Variants in CSNK2A2IP observed in about 807,000 individuals in gnomAD.
CSNK2A2IP encodes the protein casein kinase 2 subunit alpha' interacting protein, also known as casein kinase II subunit alpha'-interacting protein.
At chr3:88,435,717 A>T in the CSNK2A2IP span, among the ~76,000 whole-genome samples, 1 of 152,148 alleles carries the variant, frequency 6.6e-6, no homozygotes, top group African/African-American at 2.4e-5. Flanking sequence ...CTTAAAGTCA[A>T]ACAGAATCAT....
At chr3:88,373,562 C>A in the CSNK2A2IP span, among the ~76,000 whole-genome samples, 1 of 147,144 alleles carries the variant, frequency 6.8e-6, no homozygotes, top group African/African-American at 2.5e-5. Flanking sequence ...CTTCTGCTTT[C>A]ATGGGCTGGA....
At chr3:88,356,727 T>C in the CSNK2A2IP span, among the ~76,000 whole-genome samples, 1 of 152,134 alleles carries the variant, frequency 6.6e-6, no homozygotes, top group Non-Finnish European at 1.5e-5. Flanking sequence ...TGTAGGAGTG[T>C]TCCCCTTTTT....
the CSNK2A2IP span, among the ~76,000 whole-genome samples, chr3:88,391,199 G>T: frequency 6.6e-6 from 1 of 152,162 alleles, no homozygotes; most frequent in Non-Finnish European, 1.5e-5. Context: ...TAGATACCCT[G>T]ATATTAATAC....
chr3:88,362,203 G>A, the CSNK2A2IP span, among the ~76,000 whole-genome samples: 9 of 152,106 alleles, frequency 5.9e-5, no homozygotes, highest in South Asian at 1.0e-3. Flanking sequence ...TATTTATTCC[G>A]ATCTTCACAG....
the CSNK2A2IP span, among the ~76,000 whole-genome samples, chr3:88,408,964 T>C: frequency 6.6e-6 from 1 of 151,980 alleles, no homozygotes; most frequent in African/African-American, 2.4e-5. Context: ...ACTGAGACCA[T>C]TGAAAAGGGG....
the CSNK2A2IP span, among the ~76,000 whole-genome samples, chr3:88,406,793 G>C: frequency 1.3e-5 from 2 of 152,156 alleles, no homozygotes; most frequent in East Asian, 3.9e-4. Context: ...GAAAAAAAAT[G>C]TACGTAGTAT....
chr3:88,390,738 A>G, the CSNK2A2IP span, among the ~76,000 whole-genome samples: 1 of 152,208 alleles, frequency 6.6e-6, no homozygotes, highest in Non-Finnish European at 1.5e-5. Context: ...TAGTGCAGCA[A>G]TATAAGTATC....
the CSNK2A2IP span, among the ~76,000 whole-genome samples, chr3:88,351,858 A>G: frequency 6.6e-6 from 1 of 152,170 alleles, no homozygotes; most frequent in South Asian, 2.1e-4. Flanking sequence ...ATCAAAGGAA[A>G]CATTCTTTTA....
chr3:88,354,782 A>T, the CSNK2A2IP span, among the ~76,000 whole-genome samples: 1 of 152,212 alleles, frequency 6.6e-6, no homozygotes, highest in Admixed American at 6.5e-5. Context: ...AGCTCTAAAG[A>T]TATACTAAAG....
the CSNK2A2IP span, among the ~76,000 whole-genome samples, chr3:88,422,535 A>G: frequency 3.3e-5 from 5 of 152,230 alleles, no homozygotes; most frequent in African/African-American, 9.6e-5. Flanking sequence ...ATTATGAGTT[A>G]TATCTCAGCT....
At chr3:88,426,257 T>G in the CSNK2A2IP span, among the ~76,000 whole-genome samples, 2 of 152,184 alleles carry the variant, frequency 1.3e-5, no homozygotes, top group East Asian at 3.9e-4. Flanking sequence ...AAATATTGCC[T>G]TAATGCCAAG....
At chr3:88,418,190 T>A in the CSNK2A2IP span, among the ~76,000 whole-genome samples, 1 of 152,256 alleles carries the variant, frequency 6.6e-6, no homozygotes, top group South Asian at 2.1e-4. Context: ...TATTGGTAAT[T>A]TCATTGGAAT....
the CSNK2A2IP span, among the ~76,000 whole-genome samples, chr3:88,372,192 G>T: frequency 9.2e-5 from 14 of 151,472 alleles, no homozygotes; most frequent in African/African-American, 1.2e-4. Flanking sequence ...AACATTATAT[G>T]GTTAAGTTTA....
chr3:88,350,727 AG>A, the CSNK2A2IP span, among the ~76,000 whole-genome samples: 1 of 152,162 alleles, frequency 6.6e-6, no homozygotes, highest in Non-Finnish European at 1.5e-5. Flanking sequence ...ATAAACATAA[AG>A]AAACCATAAA....
At chr3:88,373,891 T>C in the CSNK2A2IP span, among the ~76,000 whole-genome samples, 1 of 151,504 alleles carries the variant, frequency 6.6e-6, no homozygotes, top group Non-Finnish European at 1.5e-5. Context: ...GATGAAATTT[T>C]TGAAAGATAA....
At chr3:88,407,648 G>A in the CSNK2A2IP span, among the ~76,000 whole-genome samples, 3 of 152,106 alleles carry the variant, frequency 2.0e-5, no homozygotes, top group Admixed American at 1.3e-4. Flanking sequence ...TCTTTCACAA[G>A]CAAAGCTTTA....
chr3:88,450,069 A>T, the CSNK2A2IP span, among the ~76,000 whole-genome samples: 1 of 151,142 alleles, frequency 6.6e-6, no homozygotes, highest in Non-Finnish European at 1.5e-5. Flanking sequence ...GGGTTTCATC[A>T]TGTTGGCCAG....
At chr3:88,411,343 TATCTATC>T in the CSNK2A2IP span, among the ~76,000 whole-genome samples, 1 of 149,758 alleles carries the variant, frequency 6.7e-6, no homozygotes, top group African/African-American at 2.5e-5. Flanking sequence ...TCACTCACTC[TATCTATC>T]ATCTATCTAT....
At chr3:88,400,464 A>G in the CSNK2A2IP span, among the ~76,000 whole-genome samples, 14 of 152,334 alleles carry the variant, frequency 9.2e-5, no homozygotes, top group South Asian at 2.9e-3. Context: ...ATTATCATAC[A>G]TGGCAAAAGG....
Sources: gnomAD v4.1 joint callset for allele counts (sites outside exome capture counted in the v4.1 genomes callset) on GRCh38, gnomAD v4.1.1 for gene constraint, MANE v1.5 for transcripts, NCBI Gene and HGNC (gene_info 2026-07-23, HGNC 2026-07-21) for gene names.